The following ITGAM variants were observed in gnomAD, a reference collection of about 807,000 sequenced individuals.
ITGAM encodes the protein integrin alpha-M.
Under a neutral mutation model 137.5 loss-of-function variants are expected in ITGAM, and 79 were observed. That is an observed-to-expected ratio of 0.57 (90% CI 0.48 to 0.69). The LOEUF (loss-of-function observed/expected upper bound fraction) is 0.69. Among genes scored for constraint, ITGAM ranks in the 30% least tolerant of loss-of-function variants. ITGAM has a pLI of 0.00. For missense variants in ITGAM, 1,343 were observed against 1,483.5 expected (o/e 0.91, Z 1.56); for synonymous variants, 583 against 592.3 (o/e 0.98, Z 0.23).
At chr16:31,271,200 G>A (rs1218268043) in intron 6 of ITGAM, 116 bp downstream of exon 6, 10 of 889,480 alleles carry the variant, frequency 1.1e-5, no homozygotes, top group African/African-American at 1.7e-5. Flanking sequence ...ATTGACGATC[G>A]ATTATGGTTT....
chr16:31,288,701 A>G (rs2080054671), intron 12 of ITGAM, among the ~76,000 whole-genome samples: 1 of 152,246 alleles, frequency 6.6e-6, no homozygotes, highest in Non-Finnish European at 1.5e-5. Flanking sequence ...AGCATGGTCA[A>G]GGACTTCATG....
rs2080483775 is a variant in ITGAM, at chr16:31,324,457, C to T, written c.2061C>T (p.Ser687=). The T allele has an allele frequency of 1.3e-6, 2 of 1,562,258 alleles. No homozygotes were observed. The highest frequency in any genetic ancestry group is 1.7e-4 in the Middle Eastern group (1 of 6,008). The change falls in exon 17 of 30, where the codon TCC becomes TCT. Residue 687 remains serine (S), a synonymous_variant. Transcript: ENST00000544665. The surrounding 1 kb of genome is among the most constrained non-coding windows in gnomAD (Gnocchi z 4.5). ...CTCTGGACTCCGGCCGCCCACATTCCCGCGCCGTCTTCAATGAGACAAAGA... is the reference window on the plus strand; with the variant it reads ...CTCTGGACTCCGGCCGCCCACATTCTCGCGCCGTCTTCAATGAGACAAAGA... ...DLALDSGRPH[S]RAVFNETKNS...
intron 12 of ITGAM, among the ~76,000 whole-genome samples, chr16:31,291,110 A>G (rs535071336): frequency 5.9e-5 from 9 of 152,184 alleles, no homozygotes; most frequent in Non-Finnish European, 1.3e-4. Context: ...CATGGATTCG[A>G]ATATTATAGT....
chr16:31,329,184 C>T (rs1198489457), intron 23 of ITGAM, 44 bp from the exon 24 acceptor site: 1 of 1,332,986 alleles, frequency 7.5e-7, no homozygotes, highest in East Asian at 2.3e-5. Flanking sequence ...TCCCAGGGCA[C>T]CCCTCATGTT....
chr16:31,324,496 A>G lies in ITGAM; in HGVS notation c.2100A>G (p.Arg700=), dbSNP rs1391374496. ...ATGAGACAAAGAACAGCACACGCAG[A>G]CAGACACAGGTCTTGGGGCTGACCC... The part of the protein sequence containing the change: ...VFNETKNSTR[R]QTQVLGLTQT... Residue 700 remains arginine, a synonymous_variant, in exon 17 of 30, where the codon AGA becomes AGG. Coordinates refer to ENST00000544665, the MANE Select transcript of ITGAM (RefSeq NM_000632.4). The surrounding 1 kb of genome is among the most constrained non-coding windows in gnomAD (Gnocchi z 4.5). The G allele has an allele frequency of 1.9e-6, 3 of 1,600,078 alleles. No individual in the cohort carries two copies. Among genetic ancestry groups the G allele is most frequent in the East Asian group, 4.5e-5 (2 of 44,226 alleles).
At chr16:31,287,299 G>C (rs2144348496) in intron 12 of ITGAM, among the ~76,000 whole-genome samples, 1 of 152,208 alleles carries the variant, frequency 6.6e-6, no homozygotes, top group East Asian at 1.9e-4. Context: ...TATTCGGATA[G>C]TGTGATGCCT....
Position 31,324,503 on chromosome 16 carries a change from C to G in ITGAM, c.2107C>G (p.Gln703Glu), listed in dbSNP as rs749738443. ...AAAGAACAGCACACGCAGACAGACA[C>G]AGGTCTTGGGGCTGACCCAGACTTG... The part of the protein sequence containing the change: ...ETKNSTRRQT[Q>E]VLGLTQTCET... The change falls in exon 17 of 30, where the codon CAG becomes GAG. Residue 703 changes from glutamine to glutamate, a missense_variant. Physicochemically the swap from Gln to Glu is conservative, Grantham distance 29. Coordinates refer to ENST00000544665, the MANE Select transcript of ITGAM (RefSeq NM_000632.4). The surrounding 1 kb of genome is among the most constrained non-coding windows in gnomAD (Gnocchi z 4.5). 2.1e-5 allele frequency: 34 copies of G among 1,602,818 alleles called. No homozygotes were observed. Among genetic ancestry groups the G allele is most frequent in the Non-Finnish European group, 2.6e-5 (31 of 1,174,924 alleles).
At chr16:31,271,116 CCA>C (rs1246536576) in intron 6 of ITGAM, 32 bp downstream of exon 6, 3 of 1,473,924 alleles carry the variant, frequency 2.0e-6, no homozygotes, top group Non-Finnish European at 2.7e-6. Context: ...AGGGAAGAGC[CCA>C]CACGGGGCTG....
At chr16:31,280,201 G>C (rs1596989789) in intron 12 of ITGAM, among the ~76,000 whole-genome samples, 1 of 152,296 alleles carries the variant, frequency 6.6e-6, no homozygotes, top group South Asian at 2.1e-4. Context: ...TTTGGCTTAG[G>C]ATTGACTTGG....
intron 5 of ITGAM, among the ~76,000 whole-genome samples, chr16:31,267,937 C>A (rs886998858): frequency 1.3e-5 from 2 of 152,198 alleles, no homozygotes; most frequent in African/African-American, 4.8e-5. Flanking sequence ...AGCCACTGCG[C>A]CTGGCCCAGC....
rs1143680 is a variant in ITGAM at position 31,278,075 on chromosome 16, T to A, written c.1322T>A (p.Met441Lys). 3.1e-6 allele frequency: 5 copies of A among 1,608,028 alleles called. No homozygotes were observed. In the African/African-American group the frequency reaches 5.3e-5, roughly 17 times the overall value. The change falls in exon 12 of 30, where the codon ATG (methionine) becomes AAG (lysine). Residue 441 changes from methionine to lysine, a missense_variant. Coordinates refer to ENST00000544665, the MANE Select transcript of ITGAM (RefSeq NM_000632.4). ...GCGATGTTCAGGCAGAACACTGGCA[T>A]GTGGGAGTCCAACGCTAATGTCAAG... is the stretch of plus-strand genomic sequence containing the variant. ...LVAMFRQNTGMWESNANVKGT... is the reference protein window; with the variant it reads ...LVAMFRQNTGKWESNANVKGT...
intron 12 of ITGAM, 34 bp downstream of exon 12, chr16:31,278,143 C>T (rs773423471): frequency 6.3e-7 from 1 of 1,581,596 alleles, no homozygotes; most frequent in Admixed American, 1.8e-5. Flanking sequence ...AATGTGCAAA[C>T]AGAGGCGCCC....
chr16:31,281,996 C>G (rs1033641157), intron 12 of ITGAM, among the ~76,000 whole-genome samples: 4 of 152,160 alleles, frequency 2.6e-5, no homozygotes, highest in African/African-American at 9.7e-5. Flanking sequence ...CATTCAGGAG[C>G]AGGTTGTTCA....
chr16:31,265,473 C>T lies in ITGAM; in HGVS notation c.213C>T (p.Gly71=). The T allele has an allele frequency of 2.5e-6, 4 of 1,603,440 alleles. No individual in the cohort carries two copies. The highest frequency in any genetic ancestry group is 3.4e-6 in the Non-Finnish European group (4 of 1,175,174). The part of the protein sequence containing the change: ...GSLYQCDYST[G]SCEPIRLQVP... Reference sequence around the variant, plus strand: ...TCTACCAGTGCGACTACAGCACAGGCTCATGCGAGCCCATCCGCCTGCAGG... The same window carrying T: ...TCTACCAGTGCGACTACAGCACAGGTTCATGCGAGCCCATCCGCCTGCAGG... Residue 71 remains glycine, a synonymous_variant, in exon 3 of 30, where the codon GGC becomes GGT. Transcript: ENST00000544665.
intron 14 of ITGAM, among the ~76,000 whole-genome samples, chr16:31,302,450 TCTTCCTTC>T (rs146099572): frequency 0.082 from 9,825 of 119,280 alleles, 875 homozygotes; most frequent in African/African-American, 0.29. Flanking sequence ...TTTCTTTCTT[TCTTCCTTC>T]CTTTCTTTCT....
At chr16:31,297,441 CT>C in intron 12 of ITGAM, 72 bp from the exon 13 acceptor site, 9 of 1,596,756 alleles carry the variant, frequency 5.6e-6, no homozygotes, top group Non-Finnish European at 7.7e-6. Context: ...CATAACTTTT[CT>C]TCAGAGAGAG....
intron 14 of ITGAM, among the ~76,000 whole-genome samples, chr16:31,318,961 A>T (rs2144471593): frequency 1.3e-5 from 2 of 151,714 alleles, no homozygotes; most frequent in East Asian, 3.9e-4. Flanking sequence ...TTTTTTATCC[A>T]TTAGTTGTTC....
chr16:31,288,549 A>G (rs1403179021), intron 12 of ITGAM, among the ~76,000 whole-genome samples: 1 of 152,210 alleles, frequency 6.6e-6, no homozygotes, highest in Non-Finnish European at 1.5e-5. Flanking sequence ...AAAACTGGCT[A>G]GCCATATGTA....
intron 12 of ITGAM, among the ~76,000 whole-genome samples, chr16:31,295,062 G>A (rs2080120095): frequency 6.6e-6 from 1 of 152,028 alleles, no homozygotes; most frequent in African/African-American, 2.4e-5. Context: ...TAGCCTCCCT[G>A]TTCTGTTCCA....
Sources: allele counts gnomAD v4.1 joint callset (sites outside exome capture counted in the v4.1 genomes callset), GRCh38; gene constraint gnomAD v4.1.1; non-coding constraint Gnocchi (gnomAD v3.1); transcripts MANE v1.5; gene names NCBI Gene and HGNC (gene_info 2026-07-23, HGNC 2026-07-21).